The following XDH variants were observed in gnomAD, a reference collection of about 807,000 sequenced individuals.
XDH encodes xanthine dehydrogenase/oxidase.
A neutral mutation model predicts 156.1 loss-of-function variants in XDH; 138 were observed. The ratio of observed to expected loss-of-function variants is 0.88; its 90% CI spans 0.77 to 1.02. XDH has a LOEUF of 1.02. XDH is among the 50% of genes least tolerant of loss of function. XDH has a pLI of 0.00. For synonymous variants in XDH, 669 were observed against 625.7 expected, an observed-to-expected ratio of 1.07 and a Z score of -1.03; for missense variants, 1,849 against 1,684.9, an observed-to-expected ratio of 1.10 and a Z score of -1.71.
intron 33 of XDH, among the ~76,000 whole-genome samples, chr2:31,340,957 A>C (rs959560899): frequency 6.6e-6 from 1 of 152,134 alleles, no homozygotes; most frequent in Non-Finnish European, 1.5e-5. Flanking sequence ...AGAAGACAGA[A>C]AACTCTTCTG....
At chr2:31,340,839 T>C (rs1461408316) in intron 33 of XDH, among the ~76,000 whole-genome samples, 1 of 152,124 alleles carries the variant, frequency 6.6e-6, no homozygotes, top group Non-Finnish European at 1.5e-5. Flanking sequence ...CTCCCTTTAC[T>C]ACTTCTGCTT....
Position 31,368,636 on chromosome 2 carries a change from C to T in XDH, c.2005G>A (p.Gly669Ser). 1 of 1,614,174 alleles carries T rather than the reference C, an allele frequency of 6.2e-7. No homozygotes were observed. Residue 669 changes from glycine to serine, a missense_variant, in exon 19 of 36, where the codon GGT becomes AGT. Physicochemically the swap from Gly to Ser is moderately conservative, Grantham distance 56 (BLOSUM62 0). Transcript: ENST00000379416. The part of the protein sequence containing the change: ...DKVTCVGHII[G>S]AVVADTPEHT... ...TCCGGGGTGTCAGCAACCACAGCACCAATGATATGCCCAACACAAGTAACC... is the reference window on the plus strand; with the variant it reads ...TCCGGGGTGTCAGCAACCACAGCACTAATGATATGCCCAACACAAGTAACC...
chr2:31,395,324 C>A (rs1333265936), intron 6 of XDH, among the ~76,000 whole-genome samples: 1 of 152,018 alleles, frequency 6.6e-6, no homozygotes, highest in Non-Finnish European at 1.5e-5. Flanking sequence ...TTGTGTATTT[C>A]CCTTCCCACA....
chr2:31,412,243 T>A (rs1217365221), intron 1 of XDH, among the ~76,000 whole-genome samples: 2 of 152,172 alleles, frequency 1.3e-5, no homozygotes, highest in African/African-American at 2.4e-5. Flanking sequence ...ATGAAAACAA[T>A]AGTCATCAAG....
intron 30 of XDH, among the ~76,000 whole-genome samples, chr2:31,345,484 G>A (rs1685255618): frequency 6.6e-6 from 1 of 152,176 alleles, no homozygotes; most frequent in African/African-American, 2.4e-5. Context: ...TATAATTTAT[G>A]CCTTCTTCAT....
intron 33 of XDH, 37 bp from the exon 34 acceptor site, chr2:31,339,714 C>T: frequency 6.2e-7 from 1 of 1,610,080 alleles, no homozygotes; most frequent in Non-Finnish European, 8.5e-7. Context: ...AGCCTGCCAC[C>T]TTCTTCCCTG....
At chr2:31,347,785 G>A (rs547076356) in intron 28 of XDH, 135 bp from the exon 29 acceptor site, 2 of 1,227,124 alleles carry the variant, frequency 1.6e-6, no homozygotes, top group Non-Finnish European at 2.3e-6. Context: ...CATTGTCTGG[G>A]ATGTCCTTAC....
At chr2:31,396,900 C>T (rs1686922736) in intron 6 of XDH, among the ~76,000 whole-genome samples, 1 of 152,218 alleles carries the variant, frequency 6.6e-6, no homozygotes, top group Non-Finnish European at 1.5e-5. Flanking sequence ...AGACACAGCA[C>T]TCTTTTTCAT....
At chr2:31,340,028 A>T (rs977440600) in intron 33 of XDH, among the ~76,000 whole-genome samples, 3 of 152,230 alleles carry the variant, frequency 2.0e-5, no homozygotes, top group African/African-American at 4.8e-5. Context: ...GATTTATTCG[A>T]TAGTAGATTC....
intron 13 of XDH, among the ~76,000 whole-genome samples, chr2:31,378,648 T>C (rs1029796021): frequency 6.6e-6 from 1 of 150,936 alleles, no homozygotes; most frequent in South Asian, 2.1e-4. Flanking sequence ...CTCCCAGGAC[T>C]GTGCCCATCC....
chr2:31,355,029 A>C (rs568866234), intron 24 of XDH, among the ~76,000 whole-genome samples: 1 of 152,280 alleles, frequency 6.6e-6, no homozygotes, highest in African/African-American at 2.4e-5. Context: ...AAAATCTTGA[A>C]AGCACCCAGA....
chr2:31,343,303 T>C (rs1222763524), intron 31 of XDH, among the ~76,000 whole-genome samples: 1 of 111,830 alleles, frequency 8.9e-6, no homozygotes, highest in Non-Finnish European at 1.9e-5. Context: ...TATATATATA[T>C]ATATATATAT....
chr2:31,380,874 T>C (rs907597867), intron 12 of XDH, among the ~76,000 whole-genome samples: 6 of 152,230 alleles, frequency 3.9e-5, no homozygotes, highest in African/African-American at 1.4e-4. Context: ...ACAGAACAGA[T>C]GCAAATAACT....
chr2:31,348,715 C>G (rs1001302411), intron 27 of XDH, among the ~76,000 whole-genome samples, 184 bp downstream of exon 27: 1 of 152,228 alleles, frequency 6.6e-6, no homozygotes, highest in East Asian at 1.9e-4. Context: ...ATCTCTGAGT[C>G]TCACTGCCCA....
chr2:31,366,250 T>G, intron 21 of XDH, 141 bp from the exon 22 acceptor site: 1 of 1,483,840 alleles, frequency 6.7e-7, no homozygotes, highest in Non-Finnish European at 9.3e-7. Context: ...CCATGCAGCT[T>G]TGTGGTTAGT....
intron 30 of XDH, among the ~76,000 whole-genome samples, chr2:31,345,629 G>A (rs1402045662): frequency 6.6e-6 from 1 of 152,096 alleles, no homozygotes; most frequent in East Asian, 1.9e-4. Context: ...ACTAAGGCTT[G>A]GAAAGACTTG....
In XDH at chr2:31,384,152, G is replaced by GTGTGTGTGTGTGTGTGTGTT. The variant is rs1686519902; in HGVS notation, c.794-306_794-305insAACACACACACACACACACA. On this transcript the variant is annotated intron_variant, in intron 9 of 35. Transcript: ENST00000379416. The stretch of plus-strand genomic sequence containing the variant: ...TGTGTGTGTGTGTGTGTGTGTGTGT[G>GTGTGTGTGTGTGTGTGTGTT]TGTTTGTGTACATTAGAAAACACAG... The GTGTGTGTGTGTGTGTGTGTT allele has an allele frequency of 7.7e-6, 3 of 389,596 alleles. No homozygotes were observed. In the Admixed American group the frequency reaches 1.1e-4, roughly 14 times the overall value. 24.1% of individuals were successfully genotyped at this position (389,596 alleles called of 1,614,324 possible).
intron 6 of XDH, among the ~76,000 whole-genome samples, chr2:31,391,600 T>C (rs533746248): frequency 2.0e-5 from 3 of 152,354 alleles, no homozygotes; most frequent in African/African-American, 7.2e-5. Context: ...ACTGACATCT[T>C]GACATATTCA....
At position 31,405,583 on chromosome 2, in the gene XDH, C is replaced by A. The variant is rs146809433; in HGVS notation, c.100+324G>T. On this transcript the variant is annotated intron_variant, in intron 2 of 35. Transcript: ENST00000379416. ...TTAAGCAAATGTCACCTAAGGAAGG[C>A]CCCCCTCTTCCCACAGAGGAATGAC... 2.4e-4 allele frequency among the ~76,000 whole-genome samples: 37 copies of A among 152,280 alleles called. No individual in the cohort carries two copies. The East Asian group carries it at 6.9e-3, about 29-fold the overall frequency.
Sources: allele counts gnomAD v4.1 joint callset (sites outside exome capture counted in the v4.1 genomes callset), GRCh38; gene constraint gnomAD v4.1.1; transcripts MANE v1.5; gene names NCBI Gene and HGNC (gene_info 2026-07-23, HGNC 2026-07-21).